CDH13: variants seen among roughly 807,000 people sequenced by gnomAD.
The protein encoded by CDH13 is cadherin-13.
Under a neutral mutation model 63.8 loss-of-function variants are expected in CDH13, and 24 were observed. The observed-to-expected ratio is 0.38, with a 90% CI of 0.27 to 0.53. CDH13 has a LOEUF of 0.53. Among genes scored for constraint, CDH13 ranks in the 20% least tolerant of loss-of-function variants. The pLI, the probability that CDH13 is intolerant of heterozygous loss-of-function variation, is 0.85. For missense variants in CDH13, 1,049 were observed against 903.1 expected (o/e 1.16, Z -2.07); for synonymous variants, 503 against 355.3 (o/e 1.42, Z -4.67).
chr16:82,808,408 C>T (rs1234069484), intron 1 of CDH13, among the ~76,000 whole-genome samples: 1 of 152,120 alleles, frequency 6.6e-6, no homozygotes, highest in Non-Finnish European at 1.5e-5. Flanking sequence ...AAAATTGTCA[C>T]TGAATGCCTT....
chr16:83,256,666 C>T (rs1250882746), intron 5 of CDH13, among the ~76,000 whole-genome samples: 1 of 53,524 alleles, frequency 1.9e-5, no homozygotes, highest in Admixed American at 2.5e-4. Flanking sequence ...CCCGTCTCTA[C>T]TAAAATACAA....
chr16:83,401,872 T>A (rs922869638), intron 6 of CDH13, among the ~76,000 whole-genome samples: 6 of 152,196 alleles, frequency 3.9e-5, no homozygotes, highest in Admixed American at 2.6e-4. Flanking sequence ...GTATAAACAT[T>A]TTTTGTATGA....
At chr16:83,447,783 T>A in intron 6 of CDH13, among the ~76,000 whole-genome samples, 1 of 149,882 alleles carries the variant, frequency 6.7e-6, no homozygotes, top group East Asian at 1.9e-4. Context: ...TTATTTTTTA[T>A]AATTTATAAT....
intron 6 of CDH13, among the ~76,000 whole-genome samples, chr16:83,469,015 A>G (rs909034752): frequency 1.3e-5 from 2 of 151,906 alleles, no homozygotes; most frequent in African/African-American, 4.8e-5. Flanking sequence ...GGTGCACAGG[A>G]CTCTACGGCT....
intron 5 of CDH13, among the ~76,000 whole-genome samples, chr16:83,218,539 T>A (rs1169289485): frequency 6.6e-6 from 1 of 152,156 alleles, no homozygotes; most frequent in Admixed American, 6.5e-5. Flanking sequence ...GCCTTGACAG[T>A]AACCAGAGGT....
At position 83,047,297 on chromosome 16, in the gene CDH13, C is replaced by A. The variant is rs1157304089; in HGVS notation, c.366+15079C>A. Among the ~76,000 whole-genome samples the A allele has an allele frequency of 6.6e-6, 1 of 152,112 alleles. No individual in the cohort carries two copies. The highest frequency in any genetic ancestry group is 1.9e-4 in the East Asian group (1 of 5,190). On this transcript the variant is annotated intron_variant, in intron 3 of 13. Transcript: ENST00000567109. The surrounding 1 kb of genome is among the most constrained non-coding windows in gnomAD (Gnocchi z 4.9). ...CTGCTGTGAATTTAAGTCATCTAAT[C>A]AAAATGCATTATTTCTGTCCTTGCA... is the stretch of plus-strand genomic sequence containing the variant.
Position 83,429,492 on chromosome 16 carries a change from T to C in CDH13, c.782-56985T>C, listed in dbSNP as rs368797673. Among the ~76,000 whole-genome samples the C allele has an allele frequency of 4.0e-5, 6 of 150,702 alleles. No individual in the cohort carries two copies. The East Asian group carries it at 1.2e-3, about 29-fold the overall frequency. ...ATATTTGTTGCATGACCATTACATA[T>C]ACACTAAAAGACAATGAAGACACAC... On this transcript the variant is annotated intron_variant, in intron 6 of 13. Coordinates refer to ENST00000567109, the MANE Select transcript of CDH13 (RefSeq NM_001257.5).
chr16:83,770,103 C>A (rs568442510), intron 11 of CDH13, among the ~76,000 whole-genome samples: 1 of 152,178 alleles, frequency 6.6e-6, no homozygotes, highest in South Asian at 2.1e-4. Context: ...CATCCACACC[C>A]ACAGCGTCAA....
chr16:83,391,126 G>C (rs756862178), intron 6 of CDH13, among the ~76,000 whole-genome samples: 1 of 152,080 alleles, frequency 6.6e-6, no homozygotes, highest in African/African-American at 2.4e-5. Flanking sequence ...CTGCCCAGGG[G>C]GTCCTGAGAG....
intron 1 of CDH13, among the ~76,000 whole-genome samples, chr16:82,743,456 C>G (rs1047581066): frequency 6.6e-6 from 1 of 152,136 alleles, no homozygotes; most frequent in African/African-American, 2.4e-5. Flanking sequence ...CTCAAACGAT[C>G]CACTCACCCA....
rs1488345686 is a variant in CDH13, at chr16:83,165,180, C to G, written c.483+39679C>G. 2.0e-5 allele frequency among the ~76,000 whole-genome samples: 3 copies of G among 151,976 alleles called. No homozygotes were observed. The East Asian group carries it at 5.8e-4, about 29-fold the overall frequency. On this transcript the variant is annotated intron_variant, in intron 4 of 13. Coordinates refer to ENST00000567109, the MANE Select transcript of CDH13 (RefSeq NM_001257.5). ...AACTAGAGGATCAAGGGAAAAAGGC[C>G]AAGTCCAGTAAGTCCCTCCAAACGT...
At chr16:82,659,641 C>T (rs1000155958) in intron 1 of CDH13, among the ~76,000 whole-genome samples, 1 of 152,120 alleles carries the variant, frequency 6.6e-6, no homozygotes, top group Non-Finnish European at 1.5e-5. Context: ...AAGAACCCAC[C>T]CACAGGCCAG....
At chr16:82,835,972 CT>C (rs200696969) in intron 1 of CDH13, among the ~76,000 whole-genome samples, 1 of 152,136 alleles carries the variant, frequency 6.6e-6, no homozygotes, top group African/African-American at 2.4e-5. Context: ...TCGCTCAGGT[CT>C]CGCATGTCAG....
intron 1 of CDH13, among the ~76,000 whole-genome samples, chr16:82,732,660 C>T (rs1039348051): frequency 2.0e-5 from 3 of 152,168 alleles, no homozygotes; most frequent in African/African-American, 7.2e-5. Flanking sequence ...TAAAAGCCAG[C>T]AGCAGTTAAT....
intron 4 of CDH13, among the ~76,000 whole-genome samples, chr16:83,153,742 T>C (rs949929812): frequency 6.6e-6 from 1 of 152,212 alleles, no homozygotes; most frequent in Non-Finnish European, 1.5e-5. Context: ...ACCCTGGCAT[T>C]ACCTTGATCT....
At chr16:83,537,468 G>C (rs969540228) in intron 7 of CDH13, among the ~76,000 whole-genome samples, 1 of 152,106 alleles carries the variant, frequency 6.6e-6, no homozygotes, top group African/African-American at 2.4e-5. Context: ...ATTTGAATTT[G>C]GTAGTTATAT....
At chr16:83,587,567 C>T (rs913173627) in intron 7 of CDH13, among the ~76,000 whole-genome samples, 2 of 152,144 alleles carry the variant, frequency 1.3e-5, no homozygotes, top group African/African-American at 2.4e-5. Flanking sequence ...GATTAGAAAA[C>T]ATACAGAGAG....
At chr16:83,716,784 G>C (rs905224723) in intron 10 of CDH13, among the ~76,000 whole-genome samples, 19 of 152,140 alleles carry the variant, frequency 1.2e-4, no homozygotes, top group Non-Finnish European at 2.9e-5. Context: ...ACCCGCCCTG[G>C]CCTCTTTAAT....
intron 5 of CDH13, among the ~76,000 whole-genome samples, chr16:83,248,421 C>T (rs941675212): frequency 4.6e-5 from 7 of 152,136 alleles, no homozygotes; most frequent in Non-Finnish European, 1.0e-4. Flanking sequence ...AGCCGCAAAT[C>T]AGCAGCAGGA....
Sources: allele counts gnomAD v4.1 joint callset (sites outside exome capture counted in the v4.1 genomes callset), GRCh38; gene constraint gnomAD v4.1.1; non-coding constraint Gnocchi (gnomAD v3.1); transcripts MANE v1.5; gene names NCBI Gene and HGNC (gene_info 2026-07-23, HGNC 2026-07-21).